The following TACC3 variants were observed in gnomAD, a reference collection of about 807,000 sequenced individuals.
The protein encoded by TACC3 is transforming acidic coiled-coil containing protein 3, also known as transforming acidic coiled-coil-containing protein 3.
A neutral mutation model predicts 86.0 loss-of-function variants in TACC3; 52 were observed. That is an observed-to-expected ratio of 0.60 (90% confidence interval 0.48 to 0.76). TACC3 has a LOEUF of 0.76. TACC3 is among the 30% of genes least tolerant of loss of function. TACC3 has a pLI of 0.00. For missense variants in TACC3, 1,120 were observed against 1,070.4 expected (o/e 1.05, Z -0.65); for synonymous variants, 512 against 430.0 (o/e 1.19, Z -2.36).
rs746030877 is a variant in TACC3, at chr4:1,728,745, A to C, written c.1343A>C (p.His448Pro). ...GGCCAGCCAGCGGCTGAACAGTTGC[A>C]TGCTGGGCCTGCCACGGAGGAGCCA... ...RLGQPAAEQL[H>P]AGPATEEPGP... The change falls in exon 4 of 16, where the codon CAT (histidine) becomes CCT (proline). Residue 448 changes from histidine (H) to proline (P), a missense_variant. By Grantham distance (77) the His-to-Pro change is moderately conservative (BLOSUM62 -2). Coordinates refer to ENST00000313288, the MANE Select transcript of TACC3 (RefSeq NM_006342.3). 1.2e-6 allele frequency: 2 copies of C among 1,612,122 alleles called. No individual in the cohort carries two copies. Among genetic ancestry groups the C allele is most frequent in the Non-Finnish European group, 1.7e-6 (2 of 1,179,652 alleles).
Position 1,739,804 on chromosome 4 carries a change from C to T in TACC3, c.2018+26C>T, listed in dbSNP as rs776252662. On this transcript the variant is annotated intron_variant, in intron 11 of 15. Transcript: ENST00000313288. ...GTAAGGAGGCCCCGTCTCCTGTCCT[C>T]CCCGTCCCCATCCCCCTCGCCATCC... 5 of 1,570,430 alleles carry T rather than the reference C, an allele frequency of 3.2e-6. No homozygotes were observed. In the South Asian group the frequency reaches 3.5e-5, roughly 11 times the overall value.
In TACC3 at chr4:1,723,512, G is replaced by A. The variant is rs749122533; in HGVS notation, c.91G>A (p.Gly31Arg). The change falls in exon 2 of 16, where the codon GGA becomes AGA. Residue 31 changes from glycine to arginine, a missense_variant. Transcript: ENST00000313288. Reference sequence around the variant, plus strand: ...CCTGTTTTCGCCACCAGAAGTTACCGGAAGATCGTCTGTTCTTCGTGTGTC... The same window carrying A: ...CCTGTTTTCGCCACCAGAAGTTACCAGAAGATCGTCTGTTCTTCGTGTGTC... ...DFLFSPPEVT[G>R]RSSVLRVSQK... 2.0e-5 allele frequency: 32 copies of A among 1,613,612 alleles called. No individual in the cohort carries two copies. The East Asian group carries it at 2.9e-4, about 15-fold the overall frequency.
intron 6 of TACC3, among the ~76,000 whole-genome samples, chr4:1,732,097 T>G (rs1221397479): frequency 6.6e-6 from 1 of 152,178 alleles, no homozygotes; most frequent in Non-Finnish European, 1.5e-5. Context: ...AGGCTGCAGT[T>G]AAACATGGTT....
upstream of TACC3, chr4:1,721,180 G>T (rs1315870277): frequency 1.5e-5 from 3 of 194,858 alleles, no homozygotes; most frequent in African/African-American, 7.0e-5. Context: ...CGGCCCTGGA[G>T]GCGGCACCGC....
At chr4:1,736,490 G>A (rs915046545) in intron 8 of TACC3, among the ~76,000 whole-genome samples, 9 of 150,126 alleles carry the variant, frequency 6.0e-5, no homozygotes, top group African/African-American at 2.0e-4. Context: ...GGCCAGACTT[G>A]GCCACTGCCT....
At chr4:1,723,256 G>T in intron 1 of TACC3, 165 bp from the exon 2 acceptor site, 1 of 696,216 alleles carries the variant, frequency 1.4e-6, no homozygotes, top group Non-Finnish European at 2.4e-6. Context: ...GACTCAGTCT[G>T]AGGCTTTCTC....
At chr4:1,730,568 C>T in intron 4 of TACC3, 1 of 493,330 alleles carries the variant, frequency 2.0e-6, no homozygotes, top group Non-Finnish European at 4.0e-6. Flanking sequence ...ACATTTGAAG[C>T]CTTTTGTCAG....
At chr4:1,726,960 C>G (rs113620562) in intron 3 of TACC3, among the ~76,000 whole-genome samples, 3 of 152,190 alleles carry the variant, frequency 2.0e-5, no homozygotes, top group Admixed American at 6.5e-5. Flanking sequence ...AAACCTGTCT[C>G]TACTAAAAAT....
intron 8 of TACC3, among the ~76,000 whole-genome samples, chr4:1,736,353 G>A (rs1351314180): frequency 1.3e-5 from 2 of 149,468 alleles, no homozygotes; most frequent in Non-Finnish European, 1.5e-5. Context: ...AACCCAGGAG[G>A]CGGAGGTTGC....
At chr4:1,730,723 G>A (rs1199397457) in intron 4 of TACC3, 164 bp from the exon 5 acceptor site, 3 of 822,500 alleles carry the variant, frequency 3.6e-6, no homozygotes, top group African/African-American at 3.3e-5. Context: ...GCAGTTTTGT[G>A]GCCAGGTCGC....
chr4:1,726,818 C>T (rs1354286756), intron 3 of TACC3, among the ~76,000 whole-genome samples: 4 of 151,972 alleles, frequency 2.6e-5, no homozygotes, highest in Non-Finnish European at 4.4e-5. Context: ...GGCAGGTGCT[C>T]GAATGGATTT....
rs764222832 is a variant in TACC3, at chr4:1,744,719, G to A, written c.2338G>A (p.Glu780Lys). ...CCGCCCCTACCCCTCCAGGGCAAAC[G>A]AGGAGATCGCCCAGGTCCGGAGCAA... Reference protein sequence around the residue: ...HAEEKLQLANEEIAQVRSKAQ... With the variant: ...HAEEKLQLANKEIAQVRSKAQ... The change falls in exon 15 of 16, where the codon GAG (glutamate) becomes AAG (lysine). Residue 780 changes from glutamate to lysine, a missense_variant. By Grantham distance (56) the Glu-to-Lys change is moderately conservative. Coordinates refer to ENST00000313288, the MANE Select transcript of TACC3 (RefSeq NM_006342.3). 27 of 1,612,376 alleles carry A rather than the reference G, an allele frequency of 1.7e-5. No individual in the cohort carries two copies. In the Middle Eastern group the frequency reaches 4.9e-4, roughly 30 times the overall value.
chr4:1,739,503 CT>C, intron 10 of TACC3, 198 bp from the exon 11 acceptor site: 1 of 595,054 alleles, frequency 1.7e-6, no homozygotes, highest in Non-Finnish European at 3.0e-6. Flanking sequence ...CTCCTGCCCC[CT>C]GGCAGTCGGG....
intron 13 of TACC3, among the ~76,000 whole-genome samples, chr4:1,743,753 G>A (rs1718707363): frequency 6.6e-6 from 1 of 152,206 alleles, no homozygotes; most frequent in South Asian, 2.1e-4. Flanking sequence ...ACACGTGAGA[G>A]CTTCCGGATG....
At chr4:1,723,952 A>G (rs1717553872) in intron 3 of TACC3, 82 bp downstream of exon 3, 2 of 1,498,300 alleles carry the variant, frequency 1.3e-6, no homozygotes, top group East Asian at 2.3e-5. Context: ...GTCTTGTTCT[A>G]TCAGGCCTTG....
chr4:1,728,633 G>A lies in TACC3; in HGVS notation c.1231G>A (p.Asp411Asn), dbSNP rs780833702. The stretch of plus-strand genomic sequence containing the variant: ...TTACCACCTCGACTGGGACAAAATG[G>A]ATGACCCAAACTTCATCCCGTTCGG... The part of the protein sequence containing the change: ...GSYHLDWDKM[D>N]DPNFIPFGGD... The change falls in exon 4 of 16, where the codon GAT becomes AAT. Residue 411 changes from aspartate to asparagine, a missense_variant. Coordinates refer to ENST00000313288, the MANE Select transcript of TACC3 (RefSeq NM_006342.3). 2.5e-6 allele frequency: 4 copies of A among 1,613,784 alleles called. No individual in the cohort carries two copies. The highest frequency in any genetic ancestry group is 1.3e-5 in the African/African-American group (1 of 74,930).
In TACC3 at chr4:1,735,247, G is replaced by C. The variant is rs1328507178; in HGVS notation, c.1592-26G>C. On this transcript the variant is annotated intron_variant, in intron 6 of 15. Coordinates refer to ENST00000313288, the MANE Select transcript of TACC3 (RefSeq NM_006342.3). The surrounding 1 kb of genome is among the most constrained non-coding windows in gnomAD (Gnocchi z 4.2). Reference sequence around the variant, plus strand: ...CTTAGGGCCCTGGTGAGGGGCGATGGCGGCGGCATGATTCACTCCTCTCAG... The same window carrying C: ...CTTAGGGCCCTGGTGAGGGGCGATGCCGGCGGCATGATTCACTCCTCTCAG... 1 of 1,613,742 alleles carries C rather than the reference G, an allele frequency of 6.2e-7. No homozygotes were observed. Among genetic ancestry groups the C allele is most frequent in the East Asian group, 2.2e-5 (1 of 44,880 alleles).
intron 4 of TACC3, chr4:1,730,645 C>G: frequency 1.5e-6 from 1 of 650,408 alleles, no homozygotes; most frequent in South Asian, 1.5e-5. Flanking sequence ...GACTTTAGAG[C>G]TCCCAGCCTG....
At chr4:1,733,941 G>T (rs974022630) in intron 6 of TACC3, among the ~76,000 whole-genome samples, 2 of 148,444 alleles carry the variant, frequency 1.3e-5, no homozygotes, top group Admixed American at 6.8e-5. Flanking sequence ...TGGCGCCACC[G>T]CACTCCACCT....
Sources: gnomAD v4.1 joint callset for allele counts (sites outside exome capture counted in the v4.1 genomes callset) on GRCh38, gnomAD v4.1.1 for gene constraint, Gnocchi (gnomAD v3.1) non-coding constraint, MANE v1.5 for transcripts, NCBI Gene and HGNC (gene_info 2026-07-23, HGNC 2026-07-21) for gene names.